L2HGDH: variants seen among roughly 807,000 people sequenced by gnomAD.
L2HGDH encodes L-2-hydroxyglutarate dehydrogenase.
A neutral mutation model predicts 51.5 loss-of-function variants in L2HGDH; 34 were observed. The observed-to-expected ratio is 0.66, with a 90% confidence interval of 0.50 to 0.88. The LOEUF (loss-of-function observed/expected upper bound fraction) is 0.88. L2HGDH is among the 40% of genes least tolerant of loss of function. The pLI is 0.00. For missense variants in L2HGDH, 558 were observed against 571.9 expected (o/e 0.98, Z 0.25); for synonymous variants, 198 against 197.9 (o/e 1.00, Z -0.01).
At position 50,312,143 on chromosome 14, in the gene L2HGDH, G is replaced by A. The variant is rs148241854; in HGVS notation, c.8C>T (p.Pro3Leu). The A allele has an allele frequency of 3.2e-4, 519 of 1,610,370 alleles. 2 individuals carry two copies. Among genetic ancestry groups the A allele is most frequent in the East Asian group, 2.3e-3 (104 of 44,816 alleles). Reference sequence around the variant, plus strand: ...GGCACCAACCAAATAACGCAGCGCTGGCACCATCCCCTACGCACGCTCCCC... The same window carrying A: ...GGCACCAACCAAATAACGCAGCGCTAGCACCATCCCCTACGCACGCTCCCC... MVPALRYLVGACG... is the reference protein window; with the variant it reads MVLALRYLVGACG... The change falls in exon 1 of 10, where the codon CCA becomes CTA. Residue 3 changes from proline (P) to leucine (L), a missense_variant. Physicochemically the swap from Pro to Leu is moderately conservative, Grantham distance 98. Around this residue, in one of 3 missense-constraint regions of L2HGDH, gnomAD observed 194 missense variants for 187.2 expected, o/e 1.04. Transcript: ENST00000267436.
chr14:50,301,532 T>C (rs1054398129), intron 3 of L2HGDH, among the ~76,000 whole-genome samples: 5 of 152,198 alleles, frequency 3.3e-5, no homozygotes, highest in Non-Finnish European at 7.4e-5. Flanking sequence ...GGGATGAACT[T>C]TGACAACATT....
At chr14:50,274,801 A>G (rs1328607499) in intron 6 of L2HGDH, among the ~76,000 whole-genome samples, 1 of 152,232 alleles carries the variant, frequency 6.6e-6, no homozygotes, top group Non-Finnish European at 1.5e-5. Flanking sequence ...TAAAAAGGAC[A>G]AAATTCTGCC....
In L2HGDH at chr14:50,245,440, C is replaced by T. The variant is rs1425783200; in HGVS notation, c.*1618G>A. The stretch of plus-strand genomic sequence containing the variant: ...TTTAGATTTCATGATGATACCATAC[C>T]ACATCAGTTACAAAGAGACTGGAAA... On this transcript the variant is annotated 3_prime_UTR_variant, in exon 10 of 10. Transcript: ENST00000267436. The T allele has an allele frequency of 1.0e-6, 1 of 984,560 alleles. No individual in the cohort carries two copies. The highest frequency in any genetic ancestry group is 6.2e-5 in the Admixed American group (1 of 16,232). The allele number at this position is 984,560 out of a possible 1,614,324, so 61.0% of individuals were successfully genotyped here.
chr14:50,294,317 T>A lies in L2HGDH; in HGVS notation c.409-71A>T, dbSNP rs2029907666. ...CATCAGCGATGAAAGATAAAGTCAA[T>A]GGAAAATCATCAACTATTGTATGAC... On this transcript the variant is annotated intron_variant, in intron 3 of 9. Transcript: ENST00000267436. The A allele has an allele frequency of 3.3e-6, 5 of 1,500,228 alleles. No homozygotes were observed. In the South Asian group the frequency reaches 4.6e-5, roughly 14 times the overall value. The allele number at this position is 1,500,228 out of a possible 1,614,324, so 92.9% of individuals were successfully genotyped here. A position where few individuals can be genotyped will look rare whatever the true frequency, so the allele number is the denominator to read the frequency against.
intron 1 of L2HGDH, among the ~76,000 whole-genome samples, chr14:50,309,744 G>A (rs1226593531): frequency 6.7e-6 from 1 of 150,186 alleles, no homozygotes; most frequent in Non-Finnish European, 1.5e-5. Flanking sequence ...GCGCGGCGGT[G>A]TAATCACAGG....
At chr14:50,283,714 C>T (rs1219173865) in intron 5 of L2HGDH, 157 bp downstream of exon 5, 10 of 615,528 alleles carry the variant, frequency 1.6e-5, no homozygotes, top group Non-Finnish European at 2.8e-5. Context: ...TTTTGTTATA[C>T]TATCTTTTTT....
intron 6 of L2HGDH, among the ~76,000 whole-genome samples, chr14:50,276,880 G>A (rs1213758054): frequency 1.3e-5 from 2 of 152,098 alleles, no homozygotes; most frequent in African/African-American, 4.8e-5. Context: ...TGACTTTGGG[G>A]GCTAGACATT....
intron 9 of L2HGDH, among the ~76,000 whole-genome samples, chr14:50,255,555 A>C (rs1378931761): frequency 4.2e-5 from 6 of 142,826 alleles, no homozygotes; most frequent in African/African-American, 1.3e-4. Flanking sequence ...AAAAAAAAAG[A>C]AAAGAAAAAG....
intron 9 of L2HGDH, among the ~76,000 whole-genome samples, chr14:50,257,179 A>G (rs1888715475): frequency 6.6e-6 from 1 of 152,028 alleles, no homozygotes; most frequent in Non-Finnish European, 1.5e-5. Context: ...TCCACCCTCC[A>G]TGGCCTGGCA....
intron 6 of L2HGDH, among the ~76,000 whole-genome samples, chr14:50,276,193 G>A (rs1595100849): frequency 6.6e-6 from 1 of 152,282 alleles, no homozygotes; most frequent in East Asian, 1.9e-4. Context: ...AAACAGCCAG[G>A]GCTGCTAACG....
rs1165361102 is a variant in L2HGDH at position 50,245,778 on chromosome 14, A to C, written c.*1280T>G. The C allele has an allele frequency of 2.3e-5, 23 of 985,276 alleles. No homozygotes were observed. Among genetic ancestry groups the C allele is most frequent in the Non-Finnish European group, 2.5e-5 (21 of 829,930 alleles). 61.0% of individuals were successfully genotyped at this position (985,276 alleles called of 1,614,324 possible). ...CCATCTTTCTCCAAAACTCTTAAAA[A>C]GCCAAATCTTCTCTAGGTCATGGTT... On this transcript the variant is annotated 3_prime_UTR_variant, in exon 10 of 10. Transcript: ENST00000267436.
chr14:50,308,242 T>A (rs1373491490), intron 1 of L2HGDH, among the ~76,000 whole-genome samples: 1 of 152,056 alleles, frequency 6.6e-6, no homozygotes, highest in Non-Finnish European at 1.5e-5. Flanking sequence ...AAGACAAAAT[T>A]GGCTGGGCAT....
At chr14:50,267,565 T>G (rs941693370) in intron 8 of L2HGDH, among the ~76,000 whole-genome samples, 188 bp downstream of exon 8, 2 of 149,664 alleles carry the variant, frequency 1.3e-5, no homozygotes, top group Admixed American at 1.3e-4. Flanking sequence ...CATTTTTTTT[T>G]TTGTTTGTTT....
Position 50,243,843 on chromosome 14 carries a change from C to A in L2HGDH, c.*3215G>T, listed in dbSNP as rs1313500200. On this transcript the variant is annotated 3_prime_UTR_variant, in exon 10 of 10. Transcript: ENST00000267436. ...GCTATCCCTCCCCCCTCCCCCCACCCCACAACAGTCCCCAGAGTGTGATGT... is the reference window on the plus strand; with the variant it reads ...GCTATCCCTCCCCCCTCCCCCCACCACACAACAGTCCCCAGAGTGTGATGT... The A allele has an allele frequency of 8.8e-6, 1 of 114,056 alleles. No homozygotes were observed. The highest frequency in any genetic ancestry group is 1.8e-5 in the Non-Finnish European group (1 of 56,546). The allele number at this position is 114,056 out of a possible 1,614,324, so 7.1% of individuals were successfully genotyped here.
chr14:50,248,971 G>A (rs1285087073), intron 9 of L2HGDH, among the ~76,000 whole-genome samples: 2 of 152,200 alleles, frequency 1.3e-5, no homozygotes, highest in Admixed American at 6.5e-5. Context: ...CAGCCATGTG[G>A]TGTGGAGACA....
chr14:50,245,184 C>A lies in L2HGDH; in HGVS notation c.*1874G>T. ...ATATCCCTATACAAGTTTATAGGAG[C>A]CCTGAAAAATCAAGTACGTATGAAT... On this transcript the variant is annotated 3_prime_UTR_variant, in exon 10 of 10. Transcript: ENST00000267436. 1.0e-6 allele frequency: 1 copy of A among 985,282 alleles called. No homozygotes were observed. The highest frequency in any genetic ancestry group is 4.7e-5 in the South Asian group (1 of 21,266). The allele number at this position is 985,282 out of a possible 1,614,324, so 61.0% of individuals were successfully genotyped here.
At chr14:50,252,050 AACT>A (rs1165255761) in intron 9 of L2HGDH, among the ~76,000 whole-genome samples, 5 of 152,168 alleles carry the variant, frequency 3.3e-5, no homozygotes, top group East Asian at 1.9e-4. Context: ...CAAAAATAGT[AACT>A]ACAACAACTT....
chr14:50,245,151 A>G lies in L2HGDH; in HGVS notation c.*1907T>C. 1.0e-6 allele frequency: 1 copy of G among 985,746 alleles called. No individual in the cohort carries two copies. The highest frequency in any genetic ancestry group is 1.2e-6 in the Non-Finnish European group (1 of 829,926). 61.1% of individuals were successfully genotyped at this position (985,746 alleles called of 1,614,324 possible). A position where few individuals can be genotyped will look rare whatever the true frequency, so the allele number is the denominator to read the frequency against. On this transcript the variant is annotated 3_prime_UTR_variant, in exon 10 of 10. Transcript: ENST00000267436. ...CCTCAAAGTTAGATATTTATCAAAA[A>G]TGGAAAAATATCCCTATACAAGTTT... is the stretch of plus-strand genomic sequence containing the variant.
intron 6 of L2HGDH, among the ~76,000 whole-genome samples, chr14:50,275,240 T>C (rs1889911461): frequency 6.6e-6 from 1 of 152,162 alleles, no homozygotes; most frequent in Non-Finnish European, 1.5e-5. Context: ...ATAGTTATGG[T>C]AGCAAGGATG....
Sources: gnomAD v4.1 joint callset for allele counts (sites outside exome capture counted in the v4.1 genomes callset) on GRCh38, gnomAD v4.1.1 for gene constraint, gnomAD v4.1.1 regional missense constraint, MANE v1.5 for transcripts, NCBI Gene and HGNC (gene_info 2026-07-23, HGNC 2026-07-21) for gene names.